Variants in NTRK1 observed in about 807,000 individuals in gnomAD.
The protein encoded by NTRK1 is high affinity nerve growth factor receptor.
A neutral mutation model predicts 86.8 loss-of-function variants in NTRK1; 62 were observed. The ratio of observed to expected loss-of-function variants is 0.71; its 90% CI spans 0.58 to 0.88. The LOEUF is 0.88. Ranked by LOEUF, NTRK1 falls within the 40% of genes least tolerant of loss-of-function variation. NTRK1 has a pLI of 0.00. For missense variants in NTRK1, 967 were observed against 1,078.4 expected (o/e 0.90, Z 1.45); for synonymous variants, 469 against 456.6 (o/e 1.03, Z -0.35).
At chr1:156,851,570 G>C in intron 2 of NTRK1, 1 of 1,608,884 alleles carries the variant, frequency 6.2e-7, no homozygotes, top group Admixed American at 1.7e-5. Flanking sequence ...GTGCTGAGTT[G>C]GGTCATTGTA....
chr1:156,835,673 C>A (rs1402482573), intron 1 of NTRK1, among the ~76,000 whole-genome samples: 3 of 152,204 alleles, frequency 2.0e-5, no homozygotes, highest in African/African-American at 7.2e-5. Flanking sequence ...TCCTGGCCAT[C>A]TTTCCATGTC....
chr1:156,851,192 G>T (rs575307970), intron 2 of NTRK1: 2 of 1,404,034 alleles, frequency 1.4e-6, no homozygotes, highest in African/African-American at 1.4e-5. Flanking sequence ...CTAGTGAGTA[G>T]CAAAATTGGT....
intron 14 of NTRK1, among the ~76,000 whole-genome samples, 170 bp from the exon 15 acceptor site, chr1:156,878,952 C>T (rs1160804349): frequency 2.6e-5 from 4 of 152,176 alleles, no homozygotes; most frequent in East Asian, 1.9e-4. Context: ...ACACCTGTTC[C>T]GCTCCTCCAT....
At chr1:156,823,095 G>A (rs1339455557) in intron 1 of NTRK1, among the ~76,000 whole-genome samples, 1 of 152,188 alleles carries the variant, frequency 6.6e-6, no homozygotes, top group Admixed American at 6.6e-5. Flanking sequence ...TTCTACGTCT[G>A]TTAACTAGGA....
intron 1 of NTRK1, among the ~76,000 whole-genome samples, chr1:156,819,710 G>A (rs1362607037): frequency 6.6e-6 from 1 of 151,570 alleles, no homozygotes; most frequent in Non-Finnish European, 1.5e-5. Context: ...GTAGAGATGG[G>A]GTTTCTCCAT....
chr1:156,845,619 A>T (rs149045422), intron 2 of NTRK1: 2 of 1,508,270 alleles, frequency 1.3e-6, no homozygotes, highest in Non-Finnish European at 8.9e-7. Context: ...CTCTTCGCAC[A>T]TGGGGATGGT....
chr1:156,861,272 A>C, intron 1 of NTRK1, 126 bp downstream of exon 1: 1 of 1,089,910 alleles, frequency 9.2e-7, no homozygotes, highest in Non-Finnish European at 1.2e-6. Flanking sequence ...GGCACCACGC[A>C]GCCTTCGGCG....
chr1:156,845,473 A>C, intron 2 of NTRK1: 1 of 1,517,672 alleles, frequency 6.6e-7, no homozygotes, highest in Admixed American at 2.2e-5. Flanking sequence ...TGCCCTCTGC[A>C]GCGCGTACCG....
intron 1 of NTRK1, among the ~76,000 whole-genome samples, chr1:156,861,995 T>C (rs1571682339): frequency 6.6e-6 from 1 of 152,208 alleles, no homozygotes; most frequent in African/African-American, 2.4e-5. Context: ...CATCATATGG[T>C]GATGGCTGGA....
At chr1:156,871,848 G>A (rs1461236433) in intron 7 of NTRK1, 93 bp downstream of exon 7, 12 of 1,544,236 alleles carry the variant, frequency 7.8e-6, no homozygotes, top group Non-Finnish European at 5.3e-6. Flanking sequence ...AGAAAGGGTG[G>A]GATGTGTGTC....
chr1:156,831,934 T>C (rs115556682), intron 1 of NTRK1, among the ~76,000 whole-genome samples: 5 of 152,270 alleles, frequency 3.3e-5, no homozygotes, highest in African/African-American at 7.2e-5. Flanking sequence ...GACTTCCTAG[T>C]GTAGCCCCAG....
In NTRK1 at chr1:156,854,438, G is replaced by A. The variant is rs1655341144; in HGVS notation, c.51-9916G>A. ...AGCCGGGCTCTGCTCTGGGTGTGGG[G>A]TGGCCTCCTTCCTGGGCCCCGGAGG... On this transcript the variant is annotated intron_variant, in intron 2 of 16. Coordinates refer to the NTRK1 transcript ENST00000392302. The surrounding 1 kb of genome is among the most constrained non-coding windows in gnomAD (Gnocchi z 4.2). 2 of 968,592 alleles carry A rather than the reference G, an allele frequency of 2.1e-6. No homozygotes were observed. The highest frequency in any genetic ancestry group is 2.6e-5 in the East Asian group (1 of 37,798). 60.0% of individuals were successfully genotyped at this position (968,592 alleles called of 1,614,324 possible).
intron 1 of NTRK1, chr1:156,840,683 G>T: frequency 1.6e-6 from 1 of 610,280 alleles, no homozygotes. Context: ...GGGACTCAGA[G>T]TCTGAGAAAC....
At chr1:156,849,394 C>A (rs778861070) in intron 2 of NTRK1, 6 of 1,613,916 alleles carry the variant, frequency 3.7e-6, no homozygotes, top group East Asian at 2.2e-5. Flanking sequence ...GAATGGTGAG[C>A]CCCGCGGCCA....
chr1:156,821,967 C>A (rs1470134739), intron 1 of NTRK1, among the ~76,000 whole-genome samples: 6 of 152,168 alleles, frequency 3.9e-5, no homozygotes, highest in Non-Finnish European at 7.4e-5. Flanking sequence ...AGAGGGGTGA[C>A]TCAGAGAGAC....
At chr1:156,860,744 G>C (rs961255303), upstream of NTRK1, 16 of 1,112,458 alleles carry the variant, frequency 1.4e-5, no homozygotes, top group South Asian at 2.3e-4. Flanking sequence ...GGGCAGAGGG[G>C]GGGGCGTCAG....
At chr1:156,828,141 A>G (rs536254201) in intron 1 of NTRK1, among the ~76,000 whole-genome samples, 1 of 152,278 alleles carries the variant, frequency 6.6e-6, no homozygotes, top group African/African-American at 2.4e-5. Context: ...TGAAAATTAT[A>G]AGGCCATTTG....
intron 1 of NTRK1, among the ~76,000 whole-genome samples, chr1:156,836,337 G>A (rs1290531046): frequency 6.6e-6 from 1 of 152,182 alleles, no homozygotes; most frequent in Non-Finnish European, 1.5e-5. Flanking sequence ...GCATAGGGAC[G>A]TTTCTGAGTT....
chr1:156,826,206 G>A (rs970433259), intron 1 of NTRK1, among the ~76,000 whole-genome samples: 48 of 151,768 alleles, frequency 3.2e-4, no homozygotes, highest in Non-Finnish European at 6.6e-4. Context: ...GTATGGAATT[G>A]CCCTGAGAAG....
Sources: gnomAD v4.1 joint callset for allele counts (sites outside exome capture counted in the v4.1 genomes callset) on GRCh38, gnomAD v4.1.1 for gene constraint, Gnocchi (gnomAD v3.1) non-coding constraint, MANE v1.5 for transcripts, NCBI Gene and HGNC (gene_info 2026-07-23, HGNC 2026-07-21) for gene names.